VRK2: variants seen among roughly 807,000 people sequenced by gnomAD.
VRK2 encodes the protein VRK serine/threonine kinase 2, also known as serine/threonine-protein kinase VRK2.
A neutral mutation model predicts 57.6 loss-of-function variants in VRK2; 60 were observed. The observed-to-expected ratio is 1.04, with a 90% CI of 0.85 to 1.29. The LOEUF (loss-of-function observed/expected upper bound fraction) is 1.29. VRK2 is among the 50% of genes most tolerant of loss of function. The pLI is 0.00. For missense variants in VRK2, 705 were observed against 588.1 expected, an observed-to-expected ratio of 1.20 and a Z score of -2.06; for synonymous variants, 231 against 199.2, an observed-to-expected ratio of 1.16 and a Z score of -1.35.
chr2:57,914,200 G>T (rs1026997467), intron 1 of VRK2, among the ~76,000 whole-genome samples: 9 of 150,736 alleles, frequency 6.0e-5, no homozygotes, highest in Non-Finnish European at 1.3e-4. Flanking sequence ...AGGCTCTGAG[G>T]TCAGATAGCC....
At chr2:58,154,358 T>C (rs757492837) in intron 12 of VRK2, among the ~76,000 whole-genome samples, 7 of 151,944 alleles carry the variant, frequency 4.6e-5, no homozygotes, top group Non-Finnish European at 1.0e-4. Context: ...AATATAATTG[T>C]ATATATCATA....
chr2:58,134,291 C>G (rs188286990), intron 9 of VRK2, among the ~76,000 whole-genome samples: 40 of 152,310 alleles, frequency 2.6e-4, no homozygotes, highest in Non-Finnish European at 4.4e-4. Context: ...CCTGCCCCAT[C>G]CCCAGGAGGA....
intron 1 of VRK2, among the ~76,000 whole-genome samples, chr2:57,956,561 A>G (rs1671592105): frequency 6.6e-6 from 1 of 152,050 alleles, no homozygotes; most frequent in African/African-American, 2.4e-5. Context: ...TTAATTCTTT[A>G]TTCACTTTTT....
intron 8 of VRK2, among the ~76,000 whole-genome samples, chr2:58,130,655 C>T (rs1207586399): frequency 6.6e-6 from 1 of 152,116 alleles, no homozygotes; most frequent in Non-Finnish European, 1.5e-5. Context: ...AAACTAAGTT[C>T]ACTGAGTAAC....
At chr2:58,068,864 ACAT>A (rs1668997424) in intron 2 of VRK2, among the ~76,000 whole-genome samples, 1 of 151,264 alleles carries the variant, frequency 6.6e-6, no homozygotes, top group Non-Finnish European at 1.5e-5. Flanking sequence ...AGTTTCAAAA[ACAT>A]CATTTGATTC....
chr2:58,119,165 G>T (rs1030481255), intron 7 of VRK2, among the ~76,000 whole-genome samples: 6 of 152,090 alleles, frequency 3.9e-5, no homozygotes, highest in Non-Finnish European at 8.8e-5. Context: ...AGAGATCTTG[G>T]TTCTGAGGCT....
At chr2:58,046,904 G>A in intron 1 of VRK2, 36 bp downstream of exon 1, 2 of 985,498 alleles carry the variant, frequency 2.0e-6, no homozygotes, top group Non-Finnish European at 2.4e-6. Flanking sequence ...GGTGGCGGGC[G>A]GCACCTCCGC....
intron 1 of VRK2, among the ~76,000 whole-genome samples, chr2:57,981,815 T>C (rs1292065182): frequency 6.6e-6 from 1 of 152,192 alleles, no homozygotes; most frequent in East Asian, 1.9e-4. Context: ...GTCCTTGGAT[T>C]GGGTTTCAAC....
At chr2:57,961,769 T>C (rs1558514405) in intron 1 of VRK2, among the ~76,000 whole-genome samples, 1 of 152,140 alleles carries the variant, frequency 6.6e-6, no homozygotes, top group South Asian at 2.1e-4. Context: ...AGAGCACTGA[T>C]AGAGGCTCAG....
intron 1 of VRK2, chr2:58,047,269 A>G: frequency 2.9e-6 from 1 of 344,288 alleles, no homozygotes; most frequent in Non-Finnish European, 4.1e-6. Context: ...TACCTTCCGC[A>G]GGGTCAGGGG....
intron 10 of VRK2, among the ~76,000 whole-genome samples, chr2:58,138,398 A>G (rs1680849414): frequency 1.3e-5 from 2 of 152,156 alleles, no homozygotes; most frequent in South Asian, 4.1e-4. Flanking sequence ...TAGATGAAAA[A>G]AACAGGTTGC....
chr2:57,918,941 T>C (rs899281465), intron 1 of VRK2, among the ~76,000 whole-genome samples: 11 of 152,160 alleles, frequency 7.2e-5, no homozygotes, highest in African/African-American at 2.7e-4. Context: ...TTGTCTGGTC[T>C]GGTATTGGCA....
intron 1 of VRK2, among the ~76,000 whole-genome samples, chr2:58,011,887 A>G (rs1199393337): frequency 1.3e-5 from 2 of 152,176 alleles, no homozygotes; most frequent in African/African-American, 4.8e-5. Context: ...TCTAATATCA[A>G]CTGGGTGGCT....
At chr2:57,987,762 G>A (rs1020323766) in intron 1 of VRK2, among the ~76,000 whole-genome samples, 11 of 151,878 alleles carry the variant, frequency 7.2e-5, no homozygotes, top group African/African-American at 2.7e-4. Flanking sequence ...CCTTGGCTAG[G>A]AAATGGGCAA....
At chr2:58,056,684 G>C (rs922653878) in intron 2 of VRK2, among the ~76,000 whole-genome samples, 1 of 152,108 alleles carries the variant, frequency 6.6e-6, no homozygotes, top group Non-Finnish European at 1.5e-5. Context: ...ATCCAGGGTT[G>C]GACTGGTTAA....
intron 1 of VRK2, among the ~76,000 whole-genome samples, chr2:57,941,245 TAA>T (rs1277480303): frequency 6.6e-6 from 1 of 152,166 alleles, no homozygotes; most frequent in African/African-American, 2.4e-5. Context: ...TGACCTCAAC[TAA>T]AGTCAGCTCC....
chr2:58,049,187 C>G (rs752301334), intron 2 of VRK2, among the ~76,000 whole-genome samples: 1 of 152,078 alleles, frequency 6.6e-6, no homozygotes, highest in African/African-American at 2.4e-5. Flanking sequence ...TCTTAGAAGT[C>G]TTTTTAGAGC....
At chr2:58,117,276 C>A (rs1432030440) in intron 7 of VRK2, among the ~76,000 whole-genome samples, 1 of 152,118 alleles carries the variant, frequency 6.6e-6, no homozygotes, top group Non-Finnish European at 1.5e-5. Flanking sequence ...TGAGCATTAA[C>A]CTTGACTATG....
intron 10 of VRK2, among the ~76,000 whole-genome samples, chr2:58,137,027 G>A (rs1274219410): frequency 1.6e-5 from 2 of 125,530 alleles, no homozygotes; most frequent in African/African-American, 3.2e-5. Context: ...TCTCATATGT[G>A]TATATATATC....
Sources: gnomAD v4.1 joint callset for allele counts (sites outside exome capture counted in the v4.1 genomes callset) on GRCh38, gnomAD v4.1.1 for gene constraint, MANE v1.5 for transcripts, NCBI Gene and HGNC (gene_info 2026-07-23, HGNC 2026-07-21) for gene names.